The following DOCK3 variants were observed in gnomAD, a reference collection of about 807,000 sequenced individuals.
DOCK3 encodes the protein dedicator of cytokinesis 3, also known as dedicator of cytokinesis protein 3.
A neutral mutation model predicts 265.6 loss-of-function variants in DOCK3; 60 were observed. That is an observed-to-expected ratio of 0.23 (90% CI 0.18 to 0.28). The LOEUF is 0.28. DOCK3 is among the 10% of genes least tolerant of loss of function. DOCK3 has a pLI of 1.00. For synonymous variants in DOCK3, 881 were observed against 938.0 expected, an observed-to-expected ratio of 0.94 and a Z score of 1.11; for missense variants, 1,981 against 2,594.3, an observed-to-expected ratio of 0.76 and a Z score of 5.14.
chr3:50,725,173 A>G (rs2037736926), intron 1 of DOCK3, among the ~76,000 whole-genome samples: 1 of 152,214 alleles, frequency 6.6e-6, no homozygotes, highest in African/African-American at 2.4e-5. Context: ...AGAATGAATA[A>G]TAACAACATC....
At chr3:50,720,177 C>T (rs996725969) in intron 1 of DOCK3, among the ~76,000 whole-genome samples, 7 of 151,936 alleles carry the variant, frequency 4.6e-5, no homozygotes, top group Non-Finnish European at 8.8e-5. Flanking sequence ...TACATGTGCA[C>T]ATTTTTTATA....
chr3:50,929,708 A>G (rs1013254145), intron 4 of DOCK3, among the ~76,000 whole-genome samples: 2 of 152,186 alleles, frequency 1.3e-5, no homozygotes, highest in African/African-American at 4.8e-5. Context: ...TTTGTATTTT[A>G]CCTATAATTG....
intron 9 of DOCK3, among the ~76,000 whole-genome samples, chr3:51,109,118 C>T (rs541668591): frequency 3.3e-5 from 5 of 151,914 alleles, no homozygotes; most frequent in Non-Finnish European, 7.4e-5. Context: ...TTAACTACAC[C>T]GTTAGACATA....
chr3:50,688,673 G>A (rs1273836199), intron 1 of DOCK3, among the ~76,000 whole-genome samples: 1 of 152,112 alleles, frequency 6.6e-6, no homozygotes, highest in African/African-American at 2.4e-5. Flanking sequence ...ATGTTGGCTA[G>A]GCTGGTCTCA....
In DOCK3 at chr3:51,258,068, G is replaced by C. The variant is rs192376261; in HGVS notation, c.2185-2088G>C. Among the ~76,000 whole-genome samples the C allele has an allele frequency of 1.2e-3, 188 of 152,258 alleles. 1 individual carries two copies. The highest frequency in any genetic ancestry group is 3.5e-3 in the East Asian group (18 of 5,186). On this transcript the variant is annotated intron_variant, in intron 22 of 52. Transcript: ENST00000266037. ...GCTCCTCTGCTAGTTGTCTTATATT[G>C]TGTAACCTAATAGAGGAAGCAAGCT...
intron 49 of DOCK3, among the ~76,000 whole-genome samples, chr3:51,367,159 G>T (rs1211049439): frequency 1.3e-5 from 2 of 152,178 alleles, no homozygotes; most frequent in Non-Finnish European, 2.9e-5. Flanking sequence ...CTTGCTTTAT[G>T]AATCTGGGTG....
intron 1 of DOCK3, among the ~76,000 whole-genome samples, chr3:50,767,452 G>A (rs2040968143): frequency 6.6e-6 from 1 of 151,954 alleles, no homozygotes; most frequent in Non-Finnish European, 1.5e-5. Flanking sequence ...TATTTCTGAG[G>A]GCTCTATTCT....
chr3:50,983,578 C>G (rs919250249), intron 5 of DOCK3, among the ~76,000 whole-genome samples: 3 of 152,132 alleles, frequency 2.0e-5, no homozygotes, highest in Non-Finnish European at 2.9e-5. Context: ...TACCTACCCT[C>G]TCTGTTAGGA....
intron 5 of DOCK3, among the ~76,000 whole-genome samples, chr3:51,059,492 CACCCCACAT>C (rs1331151818): frequency 6.8e-6 from 1 of 147,350 alleles, no homozygotes; most frequent in Non-Finnish European, 1.5e-5. Context: ...CACACACACA[CACCCCACAT>C]CCCACATTAC....
At chr3:50,907,561 G>T (rs1219403115) in intron 4 of DOCK3, among the ~76,000 whole-genome samples, 1 of 151,972 alleles carries the variant, frequency 6.6e-6, no homozygotes, top group Non-Finnish European at 1.5e-5. Flanking sequence ...TTTTATCAGA[G>T]ACTAGGATTG....
At position 51,130,854 on chromosome 3, in the gene DOCK3, C is replaced by T. The variant is rs570702770; in HGVS notation, c.747-15695C>T. Among the ~76,000 whole-genome samples the T allele has an allele frequency of 1.2e-3, 177 of 152,068 alleles. 1 individual carries two copies. The highest frequency in any genetic ancestry group is 2.2e-3 in the Admixed American group (33 of 15,280). On this transcript the variant is annotated intron_variant, in intron 9 of 52. Transcript: ENST00000266037. The stretch of plus-strand genomic sequence containing the variant: ...TCCCGAGTAGTTGGGACTACAAGTG[C>T]GCGCCACCACACCCAACTAATATTT...
At chr3:50,880,562 C>G in intron 3 of DOCK3, 1 of 188,460 alleles carries the variant, frequency 5.3e-6, no homozygotes, top group Non-Finnish European at 1.1e-5. Context: ...ATACACCCTC[C>G]CAGGACTAAA....
At chr3:51,315,207 C>G in intron 32 of DOCK3, 79 bp downstream of exon 32, 1 of 1,459,318 alleles carries the variant, frequency 6.9e-7, no homozygotes, top group Non-Finnish European at 9.1e-7. Flanking sequence ...ATGACCAAGC[C>G]ATGATTCTAG....
chr3:51,332,884 C>T (rs758176274), intron 33 of DOCK3, 117 bp from the exon 34 acceptor site: 38 of 1,385,122 alleles, frequency 2.7e-5, no homozygotes, highest in Non-Finnish European at 3.5e-5. Context: ...GAACCCCTCC[C>T]TCCCCCCACC....
intron 2 of DOCK3, among the ~76,000 whole-genome samples, chr3:50,834,568 T>A (rs908620047): frequency 6.6e-6 from 1 of 152,192 alleles, no homozygotes; most frequent in Non-Finnish European, 1.5e-5. Context: ...GCTGAATATG[T>A]CATTTTTGGA....
intron 2 of DOCK3, among the ~76,000 whole-genome samples, chr3:50,836,557 C>T (rs938893713): frequency 1.3e-5 from 2 of 152,186 alleles, no homozygotes; most frequent in African/African-American, 4.8e-5. Context: ...AGGCTGCACA[C>T]AGCAGTGGGG....
intron 1 of DOCK3, among the ~76,000 whole-genome samples, chr3:50,751,473 C>T (rs1002157762): frequency 6.6e-6 from 1 of 152,060 alleles, no homozygotes; most frequent in Non-Finnish European, 1.5e-5. Context: ...TCCCTGTGCC[C>T]ATGTGTTCAC....
At chr3:50,860,102 G>C (rs1160759284) in intron 3 of DOCK3, among the ~76,000 whole-genome samples, 1 of 152,168 alleles carries the variant, frequency 6.6e-6, no homozygotes, top group Non-Finnish European at 1.5e-5. Flanking sequence ...AGTCCATGAT[G>C]GAGGGTTTGT....
chr3:51,338,978 G>A lies in DOCK3; in HGVS notation c.3716G>A (p.Arg1239His), dbSNP rs774813030. ...SEINKEEMYI[R>H]YIHKLCDMHL... The stretch of plus-strand genomic sequence containing the variant: ...ATTAACAAGGAAGAAATGTATATCC[G>A]CTACATCCATAAGCTTTGTGACATG... Residue 1239 changes from arginine (R) to histidine (H), a missense_variant, in exon 37 of 53, where the codon CGC becomes CAC. By Grantham distance (29) the Arg-to-His change is conservative (BLOSUM62 0). Transcript: ENST00000266037. The A allele has an allele frequency of 3.1e-6, 5 of 1,611,012 alleles. No individual in the cohort carries two copies. In the South Asian group the frequency reaches 4.4e-5, roughly 14 times the overall value.
Sources: gnomAD v4.1 joint callset for allele counts (sites outside exome capture counted in the v4.1 genomes callset) on GRCh38, gnomAD v4.1.1 for gene constraint, MANE v1.5 for transcripts, NCBI Gene and HGNC (gene_info 2026-07-23, HGNC 2026-07-21) for gene names.